The following DLGAP5 variants were observed in gnomAD, a reference collection of about 807,000 sequenced individuals.
The protein encoded by DLGAP5 is disks large-associated protein 5.
DLGAP5 carries 90 observed loss-of-function variants against 99.6 expected under a neutral mutation model. The observed-to-expected ratio is 0.90, with a 90% CI of 0.76 to 1.08. The LOEUF is 1.08. Ranked by LOEUF, DLGAP5 falls within the 50% of genes least tolerant of loss-of-function variation. The pLI is 0.00. For synonymous variants in DLGAP5, 311 were observed against 321.3 expected, an observed-to-expected ratio of 0.97 and a Z score of 0.34; for missense variants, 1,036 against 983.5, an observed-to-expected ratio of 1.05 and a Z score of -0.71.
In DLGAP5 at chr14:55,151,958, C is replaced by T; in HGVS notation, c.2122-17G>A. On this transcript the variant is annotated splice_polypyrimidine_tract_variant and intron_variant, in intron 16 of 18. Transcript: ENST00000247191. ...ATTTACAACCTGGAAGTAAAAATGGCATTATATTTAATTATCAATTTAATT... is the reference window on the plus strand; with the variant it reads ...ATTTACAACCTGGAAGTAAAAATGGTATTATATTTAATTATCAATTTAATT... The T allele has an allele frequency of 6.3e-7, 1 of 1,596,624 alleles. No homozygotes were observed. Among genetic ancestry groups the T allele is most frequent in the Non-Finnish European group, 8.5e-7 (1 of 1,172,944 alleles).
chr14:55,182,543 C>A, intron 3 of DLGAP5, 111 bp from the exon 4 acceptor site: 1 of 778,620 alleles, frequency 1.3e-6, no homozygotes. Flanking sequence ...TATCCTTAAT[C>A]TCTTATAGCA....
chr14:55,168,543 C>T (rs1024181383), intron 12 of DLGAP5, among the ~76,000 whole-genome samples: 2 of 150,576 alleles, frequency 1.3e-5, no homozygotes, highest in Admixed American at 6.6e-5. Flanking sequence ...ATGCTTATTT[C>T]TAAAATAAGT....
chr14:55,163,853 T>C (rs66842809), intron 12 of DLGAP5, among the ~76,000 whole-genome samples: 44,287 of 152,170 alleles, frequency 0.29, 6,750 homozygotes, highest in Non-Finnish European at 0.33. Context: ...TCAGGTCTTT[T>C]GCCCATTTTT....
rs755436790 is a variant in DLGAP5, at chr14:55,156,459, G to T, written c.1874-1653C>A. On this transcript the variant is annotated intron_variant, in intron 14 of 18. Transcript: ENST00000247191. ...CTCCTGAAAGACTGGCAGCCAGAAT[G>T]ATACCTTCCAGGAAGCAGATGGAAA... is the stretch of plus-strand genomic sequence containing the variant. Among the ~76,000 whole-genome samples, 126 of 152,334 alleles carry T rather than the reference G, an allele frequency of 8.3e-4. No homozygotes were observed. In the Middle Eastern group the frequency reaches 0.01, roughly 12 times the overall value.
At chr14:55,179,791 AAT>A in intron 6 of DLGAP5, 92 bp from the exon 7 acceptor site, 1 of 995,706 alleles carries the variant, frequency 1.0e-6, no homozygotes, top group African/African-American at 1.7e-5. Context: ...CAACAGTAGG[AAT>A]ATATGTCTTG....
intron 7 of DLGAP5, 87 bp downstream of exon 7, chr14:55,179,542 G>A (rs1456490698): frequency 5.4e-6 from 6 of 1,120,074 alleles, no homozygotes; most frequent in Non-Finnish European, 7.8e-6. Context: ...ACCTTTTGAA[G>A]CAGTTCTTTA....
At chr14:55,159,309 A>G (rs1019466765) in intron 13 of DLGAP5, among the ~76,000 whole-genome samples, 2 of 152,234 alleles carry the variant, frequency 1.3e-5, no homozygotes, top group Admixed American at 6.5e-5. Flanking sequence ...ACCTGCATGT[A>G]ATGGTCTTAA....
chr14:55,188,779 TAAAAAAAA>T (rs397852487), intron 2 of DLGAP5, among the ~76,000 whole-genome samples, 155 bp downstream of exon 2: 9 of 116,230 alleles, frequency 7.7e-5, no homozygotes, highest in Admixed American at 1.9e-4. Context: ...TCTTGTAATT[TAAAAAAAA>T]AAAAAAAAAA....
chr14:55,188,779 TAAA>T (rs397852487), intron 2 of DLGAP5, among the ~76,000 whole-genome samples, 160 bp downstream of exon 2: 28 of 116,212 alleles, frequency 2.4e-4, no homozygotes, highest in Non-Finnish European at 3.3e-4. Context: ...TCTTGTAATT[TAAA>T]AAAAAAAAAA....
chr14:55,186,895 T>G (rs1479777668), intron 2 of DLGAP5, among the ~76,000 whole-genome samples: 1 of 152,226 alleles, frequency 6.6e-6, no homozygotes. Flanking sequence ...CATTGTTCCT[T>G]GGTTCTTTAC....
At position 55,169,472 on chromosome 14, in the gene DLGAP5, CAA is replaced by C. The variant is rs1882774618; in HGVS notation, c.1473_1474del (p.Asp491GlufsTer2). On this transcript the variant is annotated frameshift_variant, in exon 12 of 19. Coordinates refer to ENST00000247191, the MANE Select transcript of DLGAP5 (RefSeq NM_014750.5). LOFTEE classifies it high-confidence loss of function. The stretch of plus-strand genomic sequence containing the variant: ...CTCCTTTATACCTCGTTTATATTCA[CAA>C]TCATCAACCAGTCCTTCAAACTGTT... 2 of 1,612,636 alleles carry C rather than the reference CAA, an allele frequency of 1.2e-6. No homozygotes were observed. The highest frequency in any genetic ancestry group is 2.2e-5 in the South Asian group (2 of 90,832).
intron 7 of DLGAP5, among the ~76,000 whole-genome samples, 199 bp downstream of exon 7, chr14:55,179,430 C>A (rs919086299): frequency 6.6e-6 from 1 of 152,176 alleles, no homozygotes; most frequent in African/African-American, 2.4e-5. Context: ...TATGCTTTCT[C>A]TACCTATAAA....
intron 2 of DLGAP5, among the ~76,000 whole-genome samples, chr14:55,188,423 A>T (rs1401277135): frequency 6.6e-6 from 1 of 152,210 alleles, no homozygotes; most frequent in Non-Finnish European, 1.5e-5. Flanking sequence ...GTTTCCATTG[A>T]CAAAGTACTC....
At chr14:55,185,040 TACTC>T (rs1217290962) in intron 2 of DLGAP5, among the ~76,000 whole-genome samples, 3 of 152,226 alleles carry the variant, frequency 2.0e-5, no homozygotes, top group Non-Finnish European at 4.4e-5. Flanking sequence ...CTTATCCTCT[TACTC>T]ATCTATTTTT....
Position 55,188,902 on chromosome 14 carries a change from C to T in DLGAP5, c.238+40G>A, listed in dbSNP as rs757968611. 4 of 1,522,148 alleles carry T rather than the reference C, an allele frequency of 2.6e-6. No individual in the cohort carries two copies. In the Admixed American group the frequency reaches 7.5e-5, roughly 28 times the overall value. 94.3% of individuals were successfully genotyped at this position (1,522,148 alleles called of 1,614,324 possible). On this transcript the variant is annotated intron_variant, in intron 2 of 18. Coordinates refer to ENST00000247191, the MANE Select transcript of DLGAP5 (RefSeq NM_014750.5). The stretch of plus-strand genomic sequence containing the variant: ...CAGGCATTAAACCAACTATTATTCA[C>T]TCTTCAAAGTACTTAAAATTACAAC...
intron 7 of DLGAP5, 48 bp downstream of exon 7, chr14:55,179,581 A>C (rs759687635): frequency 1.4e-6 from 2 of 1,474,280 alleles, no homozygotes; most frequent in Non-Finnish European, 1.9e-6. Flanking sequence ...TGAAAGTAGC[A>C]ATGAGATTTT....
Position 55,182,295 on chromosome 14 carries a change from A to G in DLGAP5, c.495+75T>C, listed in dbSNP as rs887021136. ...AATCATTATGTTTGAATCTGATACT[A>G]GATTTAAAATGAATTTACTTACTAA... On this transcript the variant is annotated intron_variant, in intron 4 of 18. Coordinates refer to ENST00000247191, the MANE Select transcript of DLGAP5 (RefSeq NM_014750.5). The G allele has an allele frequency of 3.2e-6, 4 of 1,232,580 alleles. No homozygotes were observed. The African/African-American group carries it at 6.0e-5, about 19-fold the overall frequency. The allele number at this position is 1,232,580 out of a possible 1,614,324, so 76.4% of individuals were successfully genotyped here.
rs1351274316 is a variant in DLGAP5, at chr14:55,183,754, CT to C, written c.239-2del. ...TCACCTAGAATAGTTTTCATTGCCC[CT>C]AGGCAGAAAAAAAACCAAAACCACA... On this transcript the variant is annotated splice_acceptor_variant, in intron 2 of 18. Transcript: ENST00000247191. LOFTEE classifies it high-confidence loss of function. 3.2e-6 allele frequency: 5 copies of C among 1,561,340 alleles called. No homozygotes were observed. The highest frequency in any genetic ancestry group is 4.3e-6 in the Non-Finnish European group (5 of 1,159,726).
rs1412304977 is a variant in DLGAP5 at position 55,170,613 on chromosome 14, A to C, written c.1387+89T>G. ...ACTTTGAATGATAATGAAACAATAA[A>C]GTTAGGCAATGCTATATTTTTATGT... On this transcript the variant is annotated intron_variant, in intron 11 of 18. Transcript: ENST00000247191. 3.5e-6 allele frequency: 4 copies of C among 1,139,224 alleles called. No homozygotes were observed. In the African/African-American group the frequency reaches 6.2e-5, roughly 18 times the overall value. 70.6% of individuals were successfully genotyped at this position (1,139,224 alleles called of 1,614,324 possible).
Sources: gnomAD v4.1 joint callset for allele counts (sites outside exome capture counted in the v4.1 genomes callset) on GRCh38, gnomAD v4.1.1 for gene constraint, MANE v1.5 for transcripts, NCBI Gene and HGNC (gene_info 2026-07-23, HGNC 2026-07-21) for gene names.